The following GPC3 variants were observed in gnomAD, a reference collection of about 807,000 sequenced individuals.
The protein encoded by GPC3 is glypican-3.
In GPC3, 3 loss-of-function variants were observed where a neutral mutation model predicts 34.4. The observed-to-expected ratio is 0.09, with a 90% CI of 0.04 to 0.23. GPC3 has a LOEUF of 0.23. Among genes scored for constraint, GPC3 ranks in the 10% least tolerant of loss-of-function variants. The pLI, the probability that GPC3 is intolerant of heterozygous loss-of-function variation, is 1.00. For synonymous variants in GPC3, 177 were observed against 174.0 expected (o/e 1.02, Z -0.13); for missense variants, 351 against 445.6 (o/e 0.79, Z 1.91).
intron 2 of GPC3, among the ~76,000 whole-genome samples, chrX:133,874,336 G>T (rs753560387): frequency 9.0e-6 from 1 of 111,261 alleles, no homozygotes; most frequent in Non-Finnish European, 1.9e-5. Context: ...ATGTTATCTT[G>T]GTTTTACTTC....
intron 2 of GPC3, among the ~76,000 whole-genome samples, chrX:133,861,431 C>A (rs1290946950): frequency 9.0e-6 from 1 of 110,807 alleles, no homozygotes; most frequent in Admixed American, 9.6e-5. Flanking sequence ...GATTAACAAT[C>A]CTAAAGTTTG....
At chrX:133,705,078 G>A (rs1346337083) in intron 3 of GPC3, among the ~76,000 whole-genome samples, 1 of 111,720 alleles carries the variant, frequency 9.0e-6, no homozygotes, top group Non-Finnish European at 1.9e-5. Flanking sequence ...AACACTTCAC[G>A]TTTCTTACAC....
intron 2 of GPC3, among the ~76,000 whole-genome samples, chrX:133,809,930 CCTGT>C (rs773498931): frequency 8.9e-6 from 1 of 112,026 alleles, no homozygotes; most frequent in African/African-American, 3.2e-5. Context: ...CATCATGCTG[CCTGT>C]CTATCACCAG....
chrX:133,931,716 T>C (rs1164461434), intron 2 of GPC3, among the ~76,000 whole-genome samples: 3 of 111,739 alleles, frequency 2.7e-5, no homozygotes, highest in African/African-American at 9.8e-5. Flanking sequence ...ACAATTACAA[T>C]AGCCCTGGAA....
chrX:133,832,683 T>C (rs2075780986), intron 2 of GPC3, among the ~76,000 whole-genome samples: 3 of 111,991 alleles, frequency 2.7e-5, no homozygotes, highest in Admixed American at 9.6e-5. Flanking sequence ...GCCATAAAAA[T>C]ATAGGCAAAA....
At chrX:133,643,288 C>T (rs1277332613) in intron 6 of GPC3, among the ~76,000 whole-genome samples, 2 of 111,118 alleles carry the variant, frequency 1.8e-5, no homozygotes, top group African/African-American at 6.5e-5. Context: ...GGTCACCAGG[C>T]CACCAGACCA....
At chrX:133,544,242 C>A (rs1009103136) in intron 7 of GPC3, among the ~76,000 whole-genome samples, 1 of 111,294 alleles carries the variant, frequency 9.0e-6, no homozygotes, top group African/African-American at 3.3e-5. Flanking sequence ...AACAAACAAA[C>A]AAAAAACAAT....
At chrX:133,899,703 C>T (rs1042321277) in intron 2 of GPC3, among the ~76,000 whole-genome samples, 1 of 111,457 alleles carries the variant, frequency 9.0e-6, no homozygotes, top group African/African-American at 3.3e-5. Flanking sequence ...TCCAGGATTC[C>T]AAGTTTCCCA....
chrX:133,836,314 C>T (rs2075799044), intron 2 of GPC3, among the ~76,000 whole-genome samples: 1 of 112,805 alleles, frequency 8.9e-6, no homozygotes, highest in Non-Finnish European at 1.9e-5. Context: ...GTACAGCTTG[C>T]TGATTTAAAG....
At chrX:133,913,012 C>A (rs1008658131) in intron 2 of GPC3, among the ~76,000 whole-genome samples, 1 of 104,760 alleles carries the variant, frequency 9.5e-6, no homozygotes, top group Non-Finnish European at 2.0e-5. Flanking sequence ...CGAGATCGTG[C>A]CACTGCACTC....
At chrX:133,740,900 G>A (rs974144273) in intron 3 of GPC3, among the ~76,000 whole-genome samples, 6 of 110,904 alleles carry the variant, frequency 5.4e-5, no homozygotes, top group Admixed American at 4.8e-4. Context: ...TTAAAAAAAC[G>A]TAAATGAAAT....
intron 2 of GPC3, among the ~76,000 whole-genome samples, chrX:133,926,049 A>G (rs948462736): frequency 9.0e-6 from 1 of 111,645 alleles, no homozygotes; most frequent in Non-Finnish European, 1.9e-5. Flanking sequence ...TATGTTGTAC[A>G]GAGGAGTCAC....
chrX:133,655,606 G>C (rs1338593885), intron 6 of GPC3, among the ~76,000 whole-genome samples: 2 of 110,643 alleles, frequency 1.8e-5, no homozygotes, highest in Admixed American at 9.7e-5. Context: ...ACAGACACTG[G>C]GACATAATTC....
At chrX:133,918,810 G>A (rs1435707862) in intron 2 of GPC3, among the ~76,000 whole-genome samples, 1 of 111,930 alleles carries the variant, frequency 8.9e-6, no homozygotes, top group Non-Finnish European at 1.9e-5. Flanking sequence ...ATTTAAATGC[G>A]TTAGGACTTG....
chrX:133,565,087 C>T (rs1031005687), intron 7 of GPC3, among the ~76,000 whole-genome samples: 2 of 112,248 alleles, frequency 1.8e-5, no homozygotes, highest in African/African-American at 6.5e-5. Context: ...ATGCTGGTGT[C>T]TCCTTTTTAA....
intron 7 of GPC3, among the ~76,000 whole-genome samples, chrX:133,542,263 G>T (rs772122049): frequency 8.9e-6 from 1 of 111,797 alleles, no homozygotes; most frequent in Admixed American, 9.5e-5. Flanking sequence ...TTAAACTCTG[G>T]CATAACAACT....
chrX:133,851,908 A>G (rs2075875537), intron 2 of GPC3, among the ~76,000 whole-genome samples: 1 of 112,032 alleles, frequency 8.9e-6, no homozygotes, highest in South Asian at 3.7e-4. Context: ...GAACTTCTTG[A>G]CCATGCCAGA....
intron 2 of GPC3, among the ~76,000 whole-genome samples, chrX:133,781,460 T>C (rs189955318): frequency 1.8e-5 from 2 of 112,054 alleles, no homozygotes; most frequent in East Asian, 5.6e-4. Flanking sequence ...GGAATGACTT[T>C]AAGGCCAGTC....
At chrX:133,732,537 G>A (rs2071471967) in intron 3 of GPC3, among the ~76,000 whole-genome samples, 1 of 111,383 alleles carries the variant, frequency 9.0e-6, no homozygotes, top group Non-Finnish European at 1.9e-5. Context: ...CAAAGGTGAG[G>A]TAAAAAAATA....
Sources: gnomAD v4.1 joint callset for allele counts (sites outside exome capture counted in the v4.1 genomes callset) on GRCh38, gnomAD v4.1.1 for gene constraint, MANE v1.5 for transcripts, NCBI Gene and HGNC (gene_info 2026-07-23, HGNC 2026-07-21) for gene names.